ATP10A: variants seen among roughly 807,000 people sequenced by gnomAD.
ATP10A encodes phospholipid-transporting ATPase VA.
Under a neutral mutation model 147.8 loss-of-function variants are expected in ATP10A, and 111 were observed. The ratio of observed to expected loss-of-function variants is 0.75; its 90% CI spans 0.64 to 0.88. The LOEUF is 0.88. ATP10A is among the 40% of genes least tolerant of loss of function. ATP10A has a pLI of 0.00. For missense variants in ATP10A, 1,927 were observed against 1,959.0 expected, an observed-to-expected ratio of 0.98 and a Z score of 0.31; for synonymous variants, 875 against 841.6, an observed-to-expected ratio of 1.04 and a Z score of -0.69.
rs1454432423 is a variant in ATP10A at position 25,770,292 on chromosome 15, C to T, written c.654+10727G>A. ...ATCGGCCCAGCCCAGCCCAATCAGCCTGAGCAGCGACAGCAATGGTGACGC... is the reference window on the plus strand; with the variant it reads ...ATCGGCCCAGCCCAGCCCAATCAGCTTGAGCAGCGACAGCAATGGTGACGC... On this transcript the variant is annotated intron_variant, in intron 2 of 20. Transcript: ENST00000555815. Among the ~76,000 whole-genome samples the T allele has an allele frequency of 5.3e-5, 8 of 152,202 alleles. No individual in the cohort carries two copies. The South Asian group carries it at 1.7e-3, about 31-fold the overall frequency.
At chr15:25,826,795 A>C (rs1466268424) in intron 1 of ATP10A, among the ~76,000 whole-genome samples, 1 of 152,200 alleles carries the variant, frequency 6.6e-6, no homozygotes, top group African/African-American at 2.4e-5. Context: ...ACTCTGTCTC[A>C]AGAAAAAGAA....
intron 13 of ATP10A, among the ~76,000 whole-genome samples, chr15:25,700,955 G>C (rs1900628737): frequency 6.6e-6 from 1 of 151,634 alleles, no homozygotes; most frequent in African/African-American, 2.4e-5. Flanking sequence ...CCTGGTGAAG[G>C]CACAGGCTCT....
At chr15:25,801,502 C>A (rs987070208) in intron 1 of ATP10A, among the ~76,000 whole-genome samples, 4 of 152,202 alleles carry the variant, frequency 2.6e-5, no homozygotes, top group African/African-American at 9.7e-5. Context: ...CTGCGTCAGG[C>A]AGAGCACTGA....
At chr15:25,764,022 T>C (rs1230336104) in intron 2 of ATP10A, among the ~76,000 whole-genome samples, 1 of 152,032 alleles carries the variant, frequency 6.6e-6, no homozygotes, top group African/African-American at 2.4e-5. Flanking sequence ...GAGAAGAATA[T>C]GCCTCATTAT....
chr15:25,674,627 C>G (rs1047261192), downstream of ATP10A, among the ~76,000 whole-genome samples: 3 of 152,190 alleles, frequency 2.0e-5, no homozygotes, highest in Non-Finnish European at 4.4e-5. Flanking sequence ...TTGCATTTCT[C>G]TCTGGATTAT....
chr15:25,738,370 G>A (rs1887404040), intron 2 of ATP10A: 1 of 152,360 alleles, frequency 6.6e-6, no homozygotes, highest in Non-Finnish European at 1.5e-5. Flanking sequence ...CTAGGGAAGA[G>A]GAAGCAGTTC....
intron 2 of ATP10A, among the ~76,000 whole-genome samples, chr15:25,760,326 G>C (rs1461840280): frequency 6.6e-6 from 1 of 152,178 alleles, no homozygotes; most frequent in Non-Finnish European, 1.5e-5. Context: ...GTTATTAATA[G>C]ATGTTCCAAA....
At chr15:25,805,025 C>T (rs897423539) in intron 1 of ATP10A, among the ~76,000 whole-genome samples, 6 of 152,174 alleles carry the variant, frequency 3.9e-5, no homozygotes, top group South Asian at 2.1e-4. Flanking sequence ...AAATAAAAGG[C>T]GCATTGCCAG....
downstream of ATP10A, chr15:25,678,017 A>G (rs909352396): frequency 1.3e-5 from 2 of 152,230 alleles, no homozygotes; most frequent in African/African-American, 4.8e-5. Flanking sequence ...CCCCGTGAAC[A>G]GAGGCAGACT....
chr15:25,709,306 G>C (rs1181683661), intron 10 of ATP10A: 1 of 152,190 alleles, frequency 6.6e-6, no homozygotes, highest in Non-Finnish European at 1.5e-5. Flanking sequence ...TTCCCGAAAG[G>C]ATGATGCTCA....
intron 15 of ATP10A, among the ~76,000 whole-genome samples, chr15:25,689,624 G>T (rs1899904740): frequency 6.6e-6 from 1 of 152,230 alleles, no homozygotes; most frequent in East Asian, 1.9e-4. Context: ...GTAAGGAAAG[G>T]TATCAAGCCT....
intron 9 of ATP10A, among the ~76,000 whole-genome samples, chr15:25,716,394 C>A (rs2140402645): frequency 6.6e-6 from 1 of 152,304 alleles, no homozygotes; most frequent in Middle Eastern, 3.4e-3. Flanking sequence ...CCCAGGCAGG[C>A]AGGGCCTCCA....
In ATP10A at chr15:25,742,111, C is replaced by T. The variant is rs1048166606; in HGVS notation, c.655-5970G>A. Among the ~76,000 whole-genome samples the T allele has an allele frequency of 3.9e-5, 6 of 152,186 alleles. No individual in the cohort carries two copies. In the East Asian group the frequency reaches 9.7e-4, roughly 25 times the overall value. ...GAAGTGATAAGTAGGTTGGCCCAGC[C>T]GCTCATGGCGGGACACTCCACTGCA... On this transcript the variant is annotated intron_variant, in intron 2 of 20. Coordinates refer to ENST00000555815, the MANE Select transcript of ATP10A (RefSeq NM_024490.4).
In ATP10A at chr15:25,804,076, GGTGTGT is replaced by G. The variant is rs5811398; in HGVS notation, c.450-22859_450-22854del. Among the ~76,000 whole-genome samples, 745 of 144,280 alleles carry G rather than the reference GGTGTGT, an allele frequency of 5.2e-3. 11 individuals carry two copies. Among genetic ancestry groups the G allele is most frequent in the African/African-American group, 0.012 (469 of 38,664 alleles). The allele number at this position is 144,280 out of a possible 152,430, so 94.7% of individuals were successfully genotyped here. A position where few individuals can be genotyped will look rare whatever the true frequency, so the allele number is the denominator to read the frequency against. On this transcript the variant is annotated intron_variant, in intron 1 of 20. Transcript: ENST00000555815. The stretch of plus-strand genomic sequence containing the variant: ...ATATGTGTGGTGTGTCTACGTGCAT[GGTGTGT>G]GTGTGTGTGTGTGTGTGGTGCATGC...
chr15:25,833,300 A>C (rs1340277345), intron 1 of ATP10A, among the ~76,000 whole-genome samples: 2 of 151,582 alleles, frequency 1.3e-5, no homozygotes, highest in African/African-American at 2.4e-5. Context: ...TTTTATTTTT[A>C]TCTTTAATTG....
At chr15:25,832,614 G>A (rs943626970) in intron 1 of ATP10A, among the ~76,000 whole-genome samples, 3 of 147,422 alleles carry the variant, frequency 2.0e-5, no homozygotes, top group Non-Finnish European at 1.5e-5. Flanking sequence ...CTCTGCTTTC[G>A]TGCGCTATAT....
intron 7 of ATP10A, among the ~76,000 whole-genome samples, chr15:25,719,456 G>A (rs756640047): frequency 7.2e-5 from 11 of 152,188 alleles, no homozygotes; most frequent in Non-Finnish European, 1.5e-4. Context: ...GGTGGCATCA[G>A]CCCAGTGCAC....
At chr15:25,807,615 C>G (rs1417181654) in intron 1 of ATP10A, among the ~76,000 whole-genome samples, 1 of 152,006 alleles carries the variant, frequency 6.6e-6, no homozygotes, top group Non-Finnish European at 1.5e-5. Context: ...CCAGCCTGGC[C>G]AACATGGTGA....
Position 25,702,100 on chromosome 15 carries a change from C to G in ATP10A, c.2576G>C (p.Gly859Ala), listed in dbSNP as rs1264080298. 6.2e-7 allele frequency: 1 copy of G among 1,610,120 alleles called. No homozygotes were observed. Among genetic ancestry groups the G allele is most frequent in the Non-Finnish European group, 8.5e-7 (1 of 1,178,106 alleles). Residue 859 changes from glycine (G) to alanine (A), a missense_variant and splice_region_variant, in exon 13 of 21, where the codon GGT becomes GCT. Physicochemically the swap from Gly to Ala is moderately conservative, Grantham distance 60. Coordinates refer to ENST00000555815, the MANE Select transcript of ATP10A (RefSeq NM_024490.4). ...CAGGCGGTCTTCAATCCCAGTGGCA[C>G]CTGGTCAAATGCACAGCAGTGTGAG... The part of the protein sequence containing the change: ...IRLETNLHLL[G>A]ATGIEDRLQD...
Sources: gnomAD v4.1 joint callset for allele counts (sites outside exome capture counted in the v4.1 genomes callset) on GRCh38, gnomAD v4.1.1 for gene constraint, MANE v1.5 for transcripts, NCBI Gene and HGNC (gene_info 2026-07-23, HGNC 2026-07-21) for gene names.